The following ZNF268 variants were observed in gnomAD, a reference collection of about 807,000 sequenced individuals.
The protein encoded by ZNF268 is zinc finger protein 268, also known as zinc finger protein 3.
In ZNF268, 20 loss-of-function variants were observed where a neutral mutation model predicts 29.3. The observed-to-expected ratio is 0.68, with a 90% CI of 0.48 to 0.99. The LOEUF is 0.99. Among genes scored for constraint, ZNF268 ranks in the 50% least tolerant of loss-of-function variants. The pLI, the probability that ZNF268 is intolerant of heterozygous loss-of-function variation, is 0.00. For synonymous variants in ZNF268, 429 were observed against 376.9 expected, an observed-to-expected ratio of 1.14 and a Z score of -1.60; for missense variants, 1,240 against 1,121.6, an observed-to-expected ratio of 1.11 and a Z score of -1.51.
intron 5 of ZNF268, among the ~76,000 whole-genome samples, chr12:133,199,109 G>T (rs907653330): frequency 1.3e-5 from 2 of 152,130 alleles, no homozygotes; most frequent in Non-Finnish European, 2.9e-5. Context: ...TCCCTGTCTT[G>T]TGCCAGTTTT....
At chr12:133,199,096 G>A (rs920266084) in intron 5 of ZNF268, among the ~76,000 whole-genome samples, 1 of 152,132 alleles carries the variant, frequency 6.6e-6, no homozygotes, top group Non-Finnish European at 1.5e-5. Flanking sequence ...GTGAGAGAGA[G>A]CATCCCTGTC....
rs1386255613 is a variant in ZNF268 at position 133,210,630 on chromosome 12, C to A, written c.*6100C>A. 2 of 347,592 alleles carry A rather than the reference C, an allele frequency of 5.8e-6. No homozygotes were observed. Among genetic ancestry groups the A allele is most frequent in the Non-Finnish European group, 1.1e-5 (2 of 174,442 alleles). The allele number at this position is 347,592 out of a possible 1,614,324, so 21.5% of individuals were successfully genotyped here. On this transcript the variant is annotated 3_prime_UTR_variant, in exon 6 of 6. Coordinates refer to ENST00000536435, the MANE Select transcript of ZNF268 (RefSeq NM_003415.3). ...GAGATGAGGTAAATTCTGGTCATCA[C>A]TGTGAAGTGCCCTCGGGGGTCTCCG...
rs1335041065 is a variant in ZNF268, at chr12:133,206,378, A to C, written c.*1848A>C. The stretch of plus-strand genomic sequence containing the variant: ...AGGGGAATGCTTTTGATACCCATGT[A>C]TAACATGGAGAATAATGATCTTAAA... On this transcript the variant is annotated 3_prime_UTR_variant, in exon 6 of 6. Coordinates refer to ENST00000536435, the MANE Select transcript of ZNF268 (RefSeq NM_003415.3). 1 of 152,234 alleles carries C rather than the reference A, an allele frequency of 6.6e-6. No individual in the cohort carries two copies. The highest frequency in any genetic ancestry group is 2.4e-5 in the African/African-American group (1 of 41,456). 9.4% of individuals were successfully genotyped at this position (152,234 alleles called of 1,614,324 possible). A position where few individuals can be genotyped will look rare whatever the true frequency, so the allele number is the denominator to read the frequency against.
chr12:133,212,463 A>ATATATG lies in ZNF268; in HGVS notation c.*7938_*7939insGTATAT, dbSNP rs1956996276. Reference sequence around the variant, plus strand: ...TGTGATTTTATATATATATATATATATATATATATATATATATATATATAT... The same window carrying ATATATG: ...TGTGATTTTATATATATATATATATATATATGTATATATATATATATATATATATAT... On this transcript the variant is annotated 3_prime_UTR_variant, in exon 6 of 6. Coordinates refer to ENST00000536435, the MANE Select transcript of ZNF268 (RefSeq NM_003415.3). The ATATATG allele has an allele frequency of 5.8e-5, 3 of 51,938 alleles. No homozygotes were observed. The highest frequency in any genetic ancestry group is 2.4e-4 in the African/African-American group (1 of 4,220). The allele number at this position is 51,938 out of a possible 1,614,324, so 3.2% of individuals were successfully genotyped here.
Position 133,211,085 on chromosome 12 carries a change from A to G in ZNF268, c.*6555A>G, listed in dbSNP as rs985661462. 1 of 449,654 alleles carries G rather than the reference A, an allele frequency of 2.2e-6. No individual in the cohort carries two copies. The highest frequency in any genetic ancestry group is 2.0e-5 in the African/African-American group (1 of 49,910). The allele number at this position is 449,654 out of a possible 1,614,324, so 27.9% of individuals were successfully genotyped here. On this transcript the variant is annotated 3_prime_UTR_variant, in exon 6 of 6. Transcript: ENST00000536435. ...GGATAGAGATAATAAAAGGCAAAGT[A>G]GATGGCCATAGACAAAAGTCAAGTG... is the stretch of plus-strand genomic sequence containing the variant.
intron 5 of ZNF268, among the ~76,000 whole-genome samples, chr12:133,195,532 C>G (rs1282817754): frequency 1.3e-5 from 2 of 151,936 alleles, no homozygotes; most frequent in East Asian, 3.9e-4. Flanking sequence ...TAGTGAGACC[C>G]CAGCTTTACC....
At position 133,205,144 on chromosome 12, in the gene ZNF268, T is replaced by TTAAA. The variant is rs1401046352; in HGVS notation, c.*614_*615insTAAA. 1 of 42,270 alleles carries TTAAA rather than the reference T, an allele frequency of 2.4e-5. No homozygotes were observed. The highest frequency in any genetic ancestry group is 7.9e-5 in the African/African-American group (1 of 12,672). The allele number at this position is 42,270 out of a possible 1,614,324, so 2.6% of individuals were successfully genotyped here. ...TAACCTCACCTTAGAAGCTTCATTCTAAAAAAAAAAAAAAAAAAAAAAAAA... is the reference window on the plus strand; with the variant it reads ...TAACCTCACCTTAGAAGCTTCATTCTTAAAAAAAAAAAAAAAAAAAAAAAAAAAA... On this transcript the variant is annotated 3_prime_UTR_variant, in exon 6 of 6. Coordinates refer to ENST00000536435, the MANE Select transcript of ZNF268 (RefSeq NM_003415.3).
Position 133,203,679 on chromosome 12 carries a change from GT to G in ZNF268, c.1994del (p.Val665GlufsTer15), listed in dbSNP as rs752537634. On this transcript the variant is annotated frameshift_variant, in exon 6 of 6. Coordinates refer to ENST00000536435, the MANE Select transcript of ZNF268 (RefSeq NM_003415.3). LOFTEE classifies it low-confidence loss of function (END_TRUNC). ...TGTACATAAAGGAGTGCACACTGGA[GT>G]AAAACCCTATGGATGCAGTCAATGT... ...LIVHKGVHTG[V>X]KPYGCSQCAK... The G allele has an allele frequency of 1.0e-4, 157 of 1,549,272 alleles. No homozygotes were observed. Among genetic ancestry groups the G allele is most frequent in the Non-Finnish European group, 1.3e-4 (146 of 1,152,924 alleles).
chr12:133,182,438 A>T (rs981647261), intron 2 of ZNF268, among the ~76,000 whole-genome samples: 3 of 152,118 alleles, frequency 2.0e-5, no homozygotes, highest in African/African-American at 7.2e-5. Context: ...GCAGGTGCTA[A>T]AAATGCAAAG....
At chr12:133,185,124 G>T (rs1295791970) in intron 2 of ZNF268, among the ~76,000 whole-genome samples, 2 of 150,664 alleles carry the variant, frequency 1.3e-5, no homozygotes, top group African/African-American at 4.9e-5. Flanking sequence ...GTAGGAGGTT[G>T]CAGTGAGCCA....
In ZNF268 at chr12:133,210,857, G is replaced by A. The variant is rs1956967797; in HGVS notation, c.*6327G>A. 1 of 456,028 alleles carries A rather than the reference G, an allele frequency of 2.2e-6. No individual in the cohort carries two copies. Among genetic ancestry groups the A allele is most frequent in the African/African-American group, 2.0e-5 (1 of 50,166 alleles). The allele number at this position is 456,028 out of a possible 1,614,324, so 28.2% of individuals were successfully genotyped here. A position where few individuals can be genotyped will look rare whatever the true frequency, so the allele number is the denominator to read the frequency against. ...GAGCAGAATGCAGGTACTGCAAGCAGGCTAGACAAGGTGTGTGCTTGCACC... is the reference window on the plus strand; with the variant it reads ...GAGCAGAATGCAGGTACTGCAAGCAAGCTAGACAAGGTGTGTGCTTGCACC... On this transcript the variant is annotated 3_prime_UTR_variant, in exon 6 of 6. Coordinates refer to ENST00000536435, the MANE Select transcript of ZNF268 (RefSeq NM_003415.3).
chr12:133,204,491 C>T lies in ZNF268; in HGVS notation c.2805C>T (p.Leu935=). The T allele has an allele frequency of 6.5e-7, 1 of 1,536,044 alleles. No homozygotes were observed. Among genetic ancestry groups the T allele is most frequent in the African/African-American group, 1.4e-5 (1 of 72,868 alleles). The part of the protein sequence containing the change: ...CGKAFCWKSQ[L]IMHQRTHVDD... Reference sequence around the variant, plus strand: ...AAGCCTTTTGTTGGAAGTCACAGCTCATTATGCATCAGAGAACTCATGTAG... The same window carrying T: ...AAGCCTTTTGTTGGAAGTCACAGCTTATTATGCATCAGAGAACTCATGTAG... Residue 935 remains leucine (L), a synonymous_variant, in exon 6 of 6, where the codon CTC becomes CTT. Coordinates refer to ENST00000536435, the MANE Select transcript of ZNF268 (RefSeq NM_003415.3).
intron 5 of ZNF268, among the ~76,000 whole-genome samples, chr12:133,201,108 T>C (rs937017883): frequency 1.3e-5 from 2 of 152,114 alleles, no homozygotes; most frequent in Non-Finnish European, 1.5e-5. Context: ...AATTTGTATT[T>C]TTTCTGTAGT....
chr12:133,192,074 T>C, intron 5 of ZNF268, 71 bp downstream of exon 5: 2 of 1,315,340 alleles, frequency 1.5e-6, no homozygotes, highest in East Asian at 2.3e-5. Flanking sequence ...TGTGCTCCTC[T>C]TGTTTGTACT....
Position 133,204,810 on chromosome 12 carries a change from C to A in ZNF268, c.*280C>A. On this transcript the variant is annotated 3_prime_UTR_variant, in exon 6 of 6. Coordinates refer to ENST00000536435, the MANE Select transcript of ZNF268 (RefSeq NM_003415.3). ...TTAAAAAGTTCATACAGGTGAGGAA[C>A]CATGTTAAACGTTGTAAAGTCATTT... 1 of 309,596 alleles carries A rather than the reference C, an allele frequency of 3.2e-6. No individual in the cohort carries two copies. The highest frequency in any genetic ancestry group is 5.9e-6 in the Non-Finnish European group (1 of 169,398). The allele number at this position is 309,596 out of a possible 1,614,324, so 19.2% of individuals were successfully genotyped here.
Position 133,202,207 on chromosome 12 carries a change from G to A in ZNF268, c.521G>A (p.Ser174Asn), listed in dbSNP as rs1298051452. Residue 174 changes from serine (S) to asparagine (N), a missense_variant, in exon 6 of 6, where the codon AGT (serine) becomes AAT (asparagine). This residue lies in a region of ZNF268 where 1,177 missense variants were observed against 1,039.6 expected (regional missense o/e 1.13). Transcript: ENST00000536435. ...WHQENKDKLG[S>N]TAKSFECTTF... ...CAGGAAAATAAAGACAAGCTGGGAA[G>A]TACGGCAAAAAGCTTTGAATGCACT... 3 of 1,608,454 alleles carry A rather than the reference G, an allele frequency of 1.9e-6. No homozygotes were observed. Among genetic ancestry groups the A allele is most frequent in the Admixed American group, 3.4e-5 (2 of 59,056 alleles).
intron 3 of ZNF268, among the ~76,000 whole-genome samples, chr12:133,189,870 C>T (rs1052100179): frequency 2.6e-5 from 4 of 152,180 alleles, no homozygotes; most frequent in Admixed American, 6.5e-5. Flanking sequence ...CACAGTGGCA[C>T]GACCTCGGCT....
intron 5 of ZNF268, among the ~76,000 whole-genome samples, chr12:133,201,180 C>G (rs917517303): frequency 7.2e-5 from 11 of 152,006 alleles, no homozygotes; most frequent in Non-Finnish European, 1.6e-4. Context: ...CAATTCCAGA[C>G]TCTCCTTTCA....
rs1278267918 is a variant in ZNF268, at chr12:133,212,306, G to A, written c.*7776G>A. ...CCTCTGCTTGGTGAAATTATGCTGGGTGTGTGTGGAAGAGCCTGGGATGTA... is the reference window on the plus strand; with the variant it reads ...CCTCTGCTTGGTGAAATTATGCTGGATGTGTGTGGAAGAGCCTGGGATGTA... On this transcript the variant is annotated 3_prime_UTR_variant, in exon 6 of 6. Transcript: ENST00000536435. 6.6e-6 allele frequency: 1 copy of A among 151,690 alleles called. No individual in the cohort carries two copies. The highest frequency in any genetic ancestry group is 1.5e-5 in the Non-Finnish European group (1 of 67,962). 9.4% of individuals were successfully genotyped at this position (151,690 alleles called of 1,614,324 possible). A position where few individuals can be genotyped will look rare whatever the true frequency, so the allele number is the denominator to read the frequency against.
Sources: gnomAD v4.1 joint callset for allele counts (sites outside exome capture counted in the v4.1 genomes callset) on GRCh38, gnomAD v4.1.1 for gene constraint, gnomAD v4.1.1 regional missense constraint, MANE v1.5 for transcripts, NCBI Gene and HGNC (gene_info 2026-07-23, HGNC 2026-07-21) for gene names.